Variants in CADM2 observed in about 807,000 individuals in gnomAD.
CADM2 encodes the protein immunoglobulin superfamily member 4D.
In CADM2, 12 loss-of-function variants were observed where a neutral mutation model predicts 49.8. The observed-to-expected ratio is 0.24, with a 90% CI of 0.15 to 0.39. CADM2 has a LOEUF of 0.39. Ranked by LOEUF, CADM2 falls within the 10% of genes least tolerant of loss-of-function variation. The probability of loss-of-function intolerance (pLI) is 1.00; values close to 1 mark genes in which losing one functional copy is unlikely to be tolerated. For synonymous variants in CADM2, 214 were observed against 175.4 expected (o/e 1.22, Z -1.74); for missense variants, 378 against 492.3 (o/e 0.77, Z 2.20).
intron 8 of CADM2, among the ~76,000 whole-genome samples, chr3:86,060,506 A>C (rs529172939): frequency 6.6e-6 from 1 of 152,280 alleles, no homozygotes; most frequent in East Asian, 1.9e-4. Context: ...AGTCATCCCA[A>C]CAGTAAGATG....
chr3:85,380,112 C>A (rs1314458384), intron 1 of CADM2, among the ~76,000 whole-genome samples: 2 of 151,902 alleles, frequency 1.3e-5, no homozygotes, highest in African/African-American at 4.8e-5. Flanking sequence ...TTATCGCATG[C>A]ATATTAATAT....
chr3:85,286,290 A>C (rs1040373556), intron 1 of CADM2, among the ~76,000 whole-genome samples: 2 of 152,108 alleles, frequency 1.3e-5, no homozygotes, highest in African/African-American at 4.8e-5. Context: ...TTTATTTCAA[A>C]CTCATGAAAC....
In CADM2 at chr3:85,530,652, GTC is replaced by G. The variant is rs576536961; in HGVS notation, c.62-195868_62-195867del. Among the ~76,000 whole-genome samples, 479 of 152,016 alleles carry G rather than the reference GTC, an allele frequency of 3.2e-3. 5 individuals carry two copies. The highest frequency in any genetic ancestry group is 7.3e-3 in the Admixed American group (112 of 15,264). ...CCCACTTTTCTATATAAATTACCCA[GTC>G]TTGGGTAATATCTTTATAGCAGTGT... On this transcript the variant is annotated intron_variant, in intron 1 of 9. Transcript: ENST00000383699.
intron 1 of CADM2, among the ~76,000 whole-genome samples, chr3:85,639,221 C>T (rs907954859): frequency 1.3e-5 from 2 of 152,086 alleles, no homozygotes; most frequent in Admixed American, 6.6e-5. Context: ...AGTTTTTCAT[C>T]TTTACTTTTA....
chr3:85,067,351 G>C (rs1460574660), intron 1 of CADM2, among the ~76,000 whole-genome samples: 1 of 151,660 alleles, frequency 6.6e-6, no homozygotes, highest in Non-Finnish European at 1.5e-5. Context: ...TTTCAAAGGA[G>C]AAACAAAAAA....
intron 1 of CADM2, among the ~76,000 whole-genome samples, chr3:85,682,680 T>C (rs1341311078): frequency 6.6e-6 from 1 of 152,118 alleles, no homozygotes; most frequent in African/African-American, 2.4e-5. Flanking sequence ...TTGTATTTGA[T>C]ATCTTTTAAT....
chr3:85,773,148 T>C (rs557682152), intron 2 of CADM2, among the ~76,000 whole-genome samples: 1 of 151,192 alleles, frequency 6.6e-6, no homozygotes, highest in African/African-American at 2.4e-5. Context: ...CTTGTCATCT[T>C]CTTAAAACAC....
chr3:85,466,062 A>T (rs927152164), intron 1 of CADM2, among the ~76,000 whole-genome samples: 4 of 152,184 alleles, frequency 2.6e-5, no homozygotes, highest in Admixed American at 2.6e-4. Flanking sequence ...ATGACTAGAT[A>T]TAATTCTAAA....
intron 3 of CADM2, among the ~76,000 whole-genome samples, chr3:85,872,901 A>T (rs1172373375): frequency 2.0e-5 from 3 of 151,968 alleles, no homozygotes; most frequent in Admixed American, 6.6e-5. Context: ...AATGTCATGA[A>T]TTTTTTTATA....
intron 1 of CADM2, among the ~76,000 whole-genome samples, chr3:85,307,425 C>T (rs1054274559): frequency 2.6e-5 from 4 of 151,834 alleles, no homozygotes; most frequent in South Asian, 2.1e-4. Context: ...CCTAGATCAG[C>T]GGCTTGCCTA....
intron 1 of CADM2, among the ~76,000 whole-genome samples, chr3:85,680,052 A>G (rs2065995998): frequency 6.6e-6 from 1 of 152,034 alleles, no homozygotes; most frequent in Non-Finnish European, 1.5e-5. Context: ...GAATACTAAG[A>G]TTTTCTTTGG....
At chr3:85,673,332 C>T (rs1335060783) in intron 1 of CADM2, among the ~76,000 whole-genome samples, 1 of 152,098 alleles carries the variant, frequency 6.6e-6, no homozygotes, top group Admixed American at 6.5e-5. Context: ...TTCTAAGACA[C>T]TGACTACCTA....
chr3:85,960,742 G>A (rs947749862), intron 7 of CADM2, among the ~76,000 whole-genome samples: 5 of 151,610 alleles, frequency 3.3e-5, no homozygotes, highest in Non-Finnish European at 7.4e-5. Context: ...TTTTGAGATA[G>A]GGCTCCTTTG....
chr3:85,797,262 A>G (rs1244175311), intron 2 of CADM2, among the ~76,000 whole-genome samples: 1 of 151,990 alleles, frequency 6.6e-6, no homozygotes, highest in Non-Finnish European at 1.5e-5. Flanking sequence ...AGAACTTTAT[A>G]ATTTTTTTTT....
At chr3:85,700,987 T>A (rs1367209411) in intron 1 of CADM2, among the ~76,000 whole-genome samples, 1 of 152,100 alleles carries the variant, frequency 6.6e-6, no homozygotes, top group Non-Finnish European at 1.5e-5. Flanking sequence ...CACATTGCAA[T>A]AAAAAATATT....
chr3:85,314,499 C>T (rs771412742), intron 1 of CADM2, among the ~76,000 whole-genome samples: 22 of 151,630 alleles, frequency 1.5e-4, no homozygotes, highest in Admixed American at 4.6e-4. Flanking sequence ...TTAATTGTAA[C>T]CTAAGGACAG....
intron 1 of CADM2, among the ~76,000 whole-genome samples, chr3:85,246,601 A>T (rs2042653029): frequency 6.6e-6 from 1 of 152,160 alleles, no homozygotes; most frequent in Non-Finnish European, 1.5e-5. Context: ...ATTGTAAAAT[A>T]TAAATTTGTC....
chr3:85,077,728 A>T (rs1271371134), intron 1 of CADM2, among the ~76,000 whole-genome samples: 2 of 152,118 alleles, frequency 1.3e-5, no homozygotes. Context: ...TTATATATTT[A>T]ATTCAATTTT....
intron 1 of CADM2, among the ~76,000 whole-genome samples, chr3:85,672,766 A>G (rs2065779610): frequency 6.6e-6 from 1 of 152,170 alleles, no homozygotes; most frequent in Non-Finnish European, 1.5e-5. Context: ...CTGACATGTT[A>G]CAGAAATGGT....
Sources: gnomAD v4.1 joint callset for allele counts (sites outside exome capture counted in the v4.1 genomes callset) on GRCh38, gnomAD v4.1.1 for gene constraint, MANE v1.5 for transcripts, NCBI Gene and HGNC (gene_info 2026-07-23, HGNC 2026-07-21) for gene names.